MORN4: variants seen among roughly 807,000 people sequenced by gnomAD.
MORN4 encodes the protein MORN repeat containing 4, also known as MORN repeat-containing protein 4.
A neutral mutation model predicts 16.4 loss-of-function variants in MORN4; 8 were observed. The observed-to-expected ratio is 0.49, with a 90% CI of 0.29 to 0.88. The LOEUF is 0.88. Among genes scored for constraint, MORN4 ranks in the 40% least tolerant of loss-of-function variants. MORN4 has a pLI of 0.09. For synonymous variants in MORN4, 53 were observed against 68.9 expected, an observed-to-expected ratio of 0.77 and a Z score of 1.14; for missense variants, 159 against 182.9, an observed-to-expected ratio of 0.87 and a Z score of 0.75.
chr10:97,631,328 G>A (rs1334720823), intron 1 of MORN4, among the ~76,000 whole-genome samples: 5 of 152,080 alleles, frequency 3.3e-5, no homozygotes, highest in Non-Finnish European at 5.9e-5. Context: ...CCTGATAGAT[G>A]GGTTGCAAAG....
At position 97,617,753 on chromosome 10, in the gene MORN4, G is replaced by C. The variant is rs182762978; in HGVS notation, c.68-431C>G. On this transcript the variant is annotated intron_variant, in intron 2 of 4. Transcript: ENST00000307450. ...CGCCTGCCTGTGGTCCCAGCTACTC[G>C]GGAGGCTGAGGCAGGAGAATCACTT... Among the ~76,000 whole-genome samples, 1,287 of 152,022 alleles carry C rather than the reference G, an allele frequency of 8.5e-3. 16 individuals are homozygous for C. Among genetic ancestry groups the C allele is most frequent in the African/African-American group, 0.029 (1,216 of 41,464 alleles).
chr10:97,622,492 C>G (rs973307177), intron 1 of MORN4, among the ~76,000 whole-genome samples: 1 of 151,808 alleles, frequency 6.6e-6, no homozygotes, highest in Non-Finnish European at 1.5e-5. Context: ...TTGAGACCAG[C>G]CTGGGCAATA....
intron 1 of MORN4, among the ~76,000 whole-genome samples, chr10:97,623,367 C>T (rs1157235723): frequency 1.3e-5 from 2 of 152,078 alleles, no homozygotes; most frequent in Non-Finnish European, 2.9e-5. Context: ...ATTGCTTGAG[C>T]CCAGGAGTCT....
At chr10:97,622,043 G>A (rs1017793894) in intron 1 of MORN4, among the ~76,000 whole-genome samples, 1 of 152,200 alleles carries the variant, frequency 6.6e-6, no homozygotes, top group Non-Finnish European at 1.5e-5. Context: ...ATGTAAATGA[G>A]TCCAATCTAG....
chr10:97,628,249 G>A (rs1284421583), intron 1 of MORN4, among the ~76,000 whole-genome samples: 3 of 152,182 alleles, frequency 2.0e-5, no homozygotes, highest in African/African-American at 7.2e-5. Flanking sequence ...ATTTCCTTTA[G>A]ATGTCTGGCA....
chr10:97,632,956 G>A (rs2041409691), intron 1 of MORN4, among the ~76,000 whole-genome samples: 1 of 152,046 alleles, frequency 6.6e-6, no homozygotes, highest in Non-Finnish European at 1.5e-5. Flanking sequence ...TGAGATAAAG[G>A]CGGGCTCAGG....
intron 3 of MORN4, 45 bp downstream of exon 3, chr10:97,617,163 A>G (rs759071420): frequency 6.8e-7 from 1 of 1,463,446 alleles, no homozygotes. Flanking sequence ...TTTCTGTCAG[A>G]CCCTCCCTTA....
At chr10:97,632,242 G>A (rs1307095468) in intron 1 of MORN4, among the ~76,000 whole-genome samples, 2 of 115,626 alleles carry the variant, frequency 1.7e-5, no homozygotes, top group South Asian at 2.7e-4. Flanking sequence ...TTTTTGAGAC[G>A]GAGTCTTGCT....
At chr10:97,629,925 AT>A (rs35892196) in intron 1 of MORN4, among the ~76,000 whole-genome samples, 34,601 of 126,330 alleles carry the variant, frequency 0.27, 5,409 homozygotes, top group African/African-American at 0.48. Context: ...CGCCCAGCTA[AT>A]TTTTTTTTTT....
In MORN4 at chr10:97,614,957, T is replaced by A. The variant is rs963378737; in HGVS notation, c.*1306A>T. 2.6e-5 allele frequency: 4 copies of A among 152,768 alleles called. No homozygotes were observed. In the East Asian group the frequency reaches 7.7e-4, roughly 29 times the overall value. The allele number at this position is 152,768 out of a possible 1,614,324, so 9.5% of individuals were successfully genotyped here. Reference sequence around the variant, plus strand: ...AGCCATCCGTATGAATTCAGTTCACTCCATGGTAGTGCCTGAAGTGGCCTA... The same window carrying A: ...AGCCATCCGTATGAATTCAGTTCACACCATGGTAGTGCCTGAAGTGGCCTA... On this transcript the variant is annotated 3_prime_UTR_variant, in exon 5 of 5. Coordinates refer to ENST00000307450, the MANE Select transcript of MORN4 (RefSeq NM_178832.4).
chr10:97,626,449 TTC>T (rs769590568), intron 1 of MORN4, among the ~76,000 whole-genome samples: 4 of 150,332 alleles, frequency 2.7e-5, no homozygotes, highest in South Asian at 4.2e-4. Flanking sequence ...CTGATGCTTG[TTC>T]TCTCTCTTTT....
chr10:97,633,891 A>T (rs2041419651), upstream of MORN4, among the ~76,000 whole-genome samples: 2 of 152,202 alleles, frequency 1.3e-5, no homozygotes, highest in South Asian at 4.1e-4. The surrounding 1 kb of genome is among the most constrained non-coding windows in gnomAD (Gnocchi z 4.5). Context: ...TAGGCAGGAT[A>T]GCCTCCAATA....
chr10:97,614,812 A>G lies in MORN4; in HGVS notation c.*1451T>C, dbSNP rs192798181. 567 of 152,464 alleles carry G rather than the reference A, an allele frequency of 3.7e-3. 1 individual carries two copies. Among genetic ancestry groups the G allele is most frequent in the Non-Finnish European group, 4.5e-3 (308 of 68,052 alleles). The allele number at this position is 152,464 out of a possible 1,614,324, so 9.4% of individuals were successfully genotyped here. Reference sequence around the variant, plus strand: ...TCAAGGCTCATGATAGAAGAGCTACAGTGAGCCAAATGCTCCTTTAGTTCC... The same window carrying G: ...TCAAGGCTCATGATAGAAGAGCTACGGTGAGCCAAATGCTCCTTTAGTTCC... On this transcript the variant is annotated 3_prime_UTR_variant, in exon 5 of 5. Coordinates refer to ENST00000307450, the MANE Select transcript of MORN4 (RefSeq NM_178832.4).
chr10:97,625,864 C>T (rs1225877013), intron 1 of MORN4, among the ~76,000 whole-genome samples: 1 of 152,116 alleles, frequency 6.6e-6, no homozygotes, highest in Non-Finnish European at 1.5e-5. Flanking sequence ...AACTTGTGGG[C>T]TCAAGCAACC....
intron 1 of MORN4, among the ~76,000 whole-genome samples, chr10:97,623,247 G>A (rs1478583273): frequency 6.6e-6 from 1 of 152,246 alleles, no homozygotes; most frequent in African/African-American, 2.4e-5. Context: ...TGGAAATACT[G>A]TGTGTGAAAA....
chr10:97,619,207 C>T (rs1472345050), intron 2 of MORN4, among the ~76,000 whole-genome samples: 3 of 151,994 alleles, frequency 2.0e-5, no homozygotes, highest in Admixed American at 1.3e-4. Flanking sequence ...CGCCTGTAAT[C>T]CCAGCTACTT....
intron 1 of MORN4, among the ~76,000 whole-genome samples, chr10:97,623,037 A>G (rs1219063101): frequency 2.0e-5 from 3 of 152,012 alleles, no homozygotes; most frequent in Non-Finnish European, 4.4e-5. Flanking sequence ...GGCGCACACT[A>G]CCACATCTAG....
intron 1 of MORN4, among the ~76,000 whole-genome samples, chr10:97,631,889 A>C (rs539730880): frequency 1.3e-5 from 2 of 152,202 alleles, no homozygotes; most frequent in South Asian, 4.1e-4. Context: ...GTGAGCAGTG[A>C]CTGCACCACA....
chr10:97,618,840 C>T (rs959845795), intron 2 of MORN4, among the ~76,000 whole-genome samples: 2 of 149,056 alleles, frequency 1.3e-5, no homozygotes, highest in South Asian at 4.4e-4. Flanking sequence ...TTTGAGGACA[C>T]CGAGTCAGGC....
Sources: allele counts gnomAD v4.1 joint callset (sites outside exome capture counted in the v4.1 genomes callset), GRCh38; gene constraint gnomAD v4.1.1; non-coding constraint Gnocchi (gnomAD v3.1); transcripts MANE v1.5; gene names NCBI Gene and HGNC (gene_info 2026-07-23, HGNC 2026-07-21).